The following RAPGEF4 variants were observed in gnomAD, a reference collection of about 807,000 sequenced individuals.
RAPGEF4 encodes the protein Rap guanine nucleotide exchange factor 4.
In RAPGEF4, 66 loss-of-function variants were observed where a neutral mutation model predicts 147.9. The ratio of observed to expected loss-of-function variants is 0.45; its 90% CI spans 0.37 to 0.55. RAPGEF4 has a LOEUF of 0.55. Among genes scored for constraint, RAPGEF4 ranks in the 20% least tolerant of loss-of-function variants. RAPGEF4 has a pLI of 0.00. For synonymous variants in RAPGEF4, 419 were observed against 442.7 expected (o/e 0.95, Z 0.67); for missense variants, 1,071 against 1,257.3 (o/e 0.85, Z 2.24).
At chr2:172,761,976 GC>G (rs1358018572) in intron 1 of RAPGEF4, among the ~76,000 whole-genome samples, 1 of 152,138 alleles carries the variant, frequency 6.6e-6, no homozygotes, top group Non-Finnish European at 1.5e-5. Flanking sequence ...ACAAAAATTA[GC>G]CAAGGGTGGT....
In RAPGEF4 at chr2:173,051,759, C is replaced by G. The variant is rs761012829; in HGVS notation, c.3028C>G (p.Arg1010Gly). 4 of 1,613,490 alleles carry G rather than the reference C, an allele frequency of 2.5e-6. No individual in the cohort carries two copies. In the Admixed American group the frequency reaches 6.7e-5, roughly 27 times the overall value. ...SQMSHRLEPR[R>G]P is the part of the protein sequence containing the mutation. ...GATGTCACACAGATTAGAGCCTCGT[C>G]GACCATAGACATTTCAAATGCCCAA... The change falls in exon 31 of 31, where the codon CGA (arginine) becomes GGA (glycine). Residue 1010 changes from arginine to glycine, a missense_variant. Arg to Gly is a moderately radical substitution (Grantham distance 125, BLOSUM62 -2). Coordinates refer to ENST00000397081, the MANE Select transcript of RAPGEF4 (RefSeq NM_007023.4).
chr2:173,003,279 A>G (rs1006293926), intron 17 of RAPGEF4, among the ~76,000 whole-genome samples: 35 of 152,132 alleles, frequency 2.3e-4, no homozygotes, highest in Admixed American at 7.2e-4. Context: ...GAGGAGGGGG[A>G]AAAATGATAC....
intron 16 of RAPGEF4, among the ~76,000 whole-genome samples, chr2:172,999,693 A>C: frequency 6.6e-6 from 1 of 152,192 alleles, no homozygotes; most frequent in South Asian, 2.1e-4. Context: ...TTTTTGATGA[A>C]CTTACATTGG....
chr2:172,867,023 G>T (rs1283047033), intron 4 of RAPGEF4, among the ~76,000 whole-genome samples: 1 of 150,794 alleles, frequency 6.6e-6, no homozygotes, highest in African/African-American at 2.4e-5. Flanking sequence ...CTGGAGTGCA[G>T]TGGCGTGATC....
intron 4 of RAPGEF4, among the ~76,000 whole-genome samples, chr2:172,865,302 G>A (rs1694508913): frequency 6.6e-6 from 1 of 152,100 alleles, no homozygotes; most frequent in Non-Finnish European, 1.5e-5. Flanking sequence ...TTTGCAAACA[G>A]CCTCACCTCT....
At chr2:172,963,293 A>C (rs965287756) in intron 8 of RAPGEF4, among the ~76,000 whole-genome samples, 8 of 152,232 alleles carry the variant, frequency 5.3e-5, no homozygotes, top group African/African-American at 1.9e-4. Flanking sequence ...TACTGCTATA[A>C]TTTTGAGAAA....
chr2:172,759,634 G>A (rs1696105819), intron 1 of RAPGEF4, among the ~76,000 whole-genome samples: 1 of 152,188 alleles, frequency 6.6e-6, no homozygotes, highest in Non-Finnish European at 1.5e-5. Context: ...TGGTTCATTG[G>A]TTGCCATGTC....
rs746373477 is a variant in RAPGEF4, at chr2:173,051,699, T to A, written c.2968T>A (p.Leu990Ile). ...GGATGTCCGGAGTTATGTACGGCAA[T>A]TAAATGTGATTGACAACCAGAGAAC... ...HQDVRSYVRQ[L>I]NVIDNQRTLS... The change falls in exon 31 of 31, where the codon TTA (leucine) becomes ATA (isoleucine). Residue 990 changes from leucine (L) to isoleucine (I), a missense_variant. Physicochemically the swap from Leu to Ile is conservative, Grantham distance 5. Transcript: ENST00000397081. 1.2e-6 allele frequency: 2 copies of A among 1,613,980 alleles called. No homozygotes were observed. The highest frequency in any genetic ancestry group is 2.2e-5 in the South Asian group (2 of 91,078).
At chr2:172,869,898 T>C (rs1395189552) in intron 4 of RAPGEF4, among the ~76,000 whole-genome samples, 1 of 152,142 alleles carries the variant, frequency 6.6e-6, no homozygotes, top group African/African-American at 2.4e-5. Context: ...GATACTATTA[T>C]TGACATCCTT....
chr2:172,916,376 C>T (rs1684071266), intron 4 of RAPGEF4, among the ~76,000 whole-genome samples: 1 of 152,186 alleles, frequency 6.6e-6, no homozygotes, highest in Non-Finnish European at 1.5e-5. Flanking sequence ...AACCTTACAA[C>T]ATAACCAGTC....
At chr2:172,783,235 A>G (rs1194522679) in intron 1 of RAPGEF4, among the ~76,000 whole-genome samples, 1 of 152,198 alleles carries the variant, frequency 6.6e-6, no homozygotes, top group Non-Finnish European at 1.5e-5. Flanking sequence ...GAGTGAGGAC[A>G]GAGTGGTCGG....
chr2:172,954,898 C>T (rs1009992348), intron 6 of RAPGEF4, among the ~76,000 whole-genome samples: 3 of 152,146 alleles, frequency 2.0e-5, no homozygotes, highest in African/African-American at 7.2e-5. Flanking sequence ...AGAAGTTTGG[C>T]TTTTTCAACA....
At chr2:172,921,182 A>G (rs1266207564) in intron 5 of RAPGEF4, among the ~76,000 whole-genome samples, 1 of 151,508 alleles carries the variant, frequency 6.6e-6, no homozygotes, top group Non-Finnish European at 1.5e-5. Flanking sequence ...TGACATGATC[A>G]TTGCTCACTA....
chr2:172,958,568 G>C (rs886223063), intron 6 of RAPGEF4, among the ~76,000 whole-genome samples: 4 of 152,184 alleles, frequency 2.6e-5, no homozygotes, highest in Admixed American at 1.3e-4. Flanking sequence ...TGCCATAACA[G>C]AGCATGGACT....
In RAPGEF4 at chr2:172,997,005, G is replaced by A. The variant is rs115899900; in HGVS notation, c.1579+451G>A. Among the ~76,000 whole-genome samples, 965 of 152,252 alleles carry A rather than the reference G, an allele frequency of 6.3e-3. 16 individuals carry two copies. The highest frequency in any genetic ancestry group is 0.022 in the African/African-American group (926 of 41,546). ...AGAATATAACTAAATGCCACCATTC[G>A]TTTGCTAGGGCTGCCCTAATGAACT... On this transcript the variant is annotated intron_variant, in intron 16 of 30. Coordinates refer to ENST00000397081, the MANE Select transcript of RAPGEF4 (RefSeq NM_007023.4).
At chr2:173,019,896 A>AT (rs1190068658) in intron 22 of RAPGEF4, among the ~76,000 whole-genome samples, 7 of 151,696 alleles carry the variant, frequency 4.6e-5, no homozygotes, top group Non-Finnish European at 7.4e-5. Flanking sequence ...CCCCTGTGAT[A>AT]TTTTTTTCTC....
intron 1 of RAPGEF4, among the ~76,000 whole-genome samples, chr2:172,764,399 A>T (rs1696634813): frequency 6.6e-6 from 1 of 152,232 alleles, no homozygotes; most frequent in Admixed American, 6.5e-5. Flanking sequence ...ATTGACATGG[A>T]ACTTGCAGAG....
At chr2:172,901,846 C>T (rs768970849) in intron 4 of RAPGEF4, among the ~76,000 whole-genome samples, 2 of 152,108 alleles carry the variant, frequency 1.3e-5, no homozygotes, top group Admixed American at 6.6e-5. Context: ...AAATAGATGC[C>T]GTCCTGCCCT....
intron 4 of RAPGEF4, among the ~76,000 whole-genome samples, chr2:172,911,085 C>G (rs1313388082): frequency 6.6e-6 from 1 of 152,214 alleles, no homozygotes; most frequent in Non-Finnish European, 1.5e-5. Context: ...GCACTCTGTC[C>G]TTTCTTGAGA....
Sources: allele counts gnomAD v4.1 joint callset (sites outside exome capture counted in the v4.1 genomes callset), GRCh38; gene constraint gnomAD v4.1.1; transcripts MANE v1.5; gene names NCBI Gene and HGNC (gene_info 2026-07-23, HGNC 2026-07-21).